The following RAB11FIP5 variants were observed in gnomAD, a reference collection of about 807,000 sequenced individuals.
RAB11FIP5 encodes the protein RAB11 family interacting protein 5, also known as rab11 family-interacting protein 5.
In RAB11FIP5, 48 loss-of-function variants were observed where a neutral mutation model predicts 85.1. The observed-to-expected ratio is 0.56, with a 90% CI of 0.45 to 0.72. RAB11FIP5 has a LOEUF of 0.72. Ranked by LOEUF, RAB11FIP5 falls within the 30% of genes least tolerant of loss-of-function variation. The pLI, the probability that RAB11FIP5 is intolerant of heterozygous loss-of-function variation, is 0.00. For missense variants in RAB11FIP5, 1,491 were observed against 1,687.0 expected (o/e 0.88, Z 2.04); for synonymous variants, 729 against 727.3 (o/e 1.00, Z -0.04).
chr2:73,109,669 C>T (rs563378145), intron 1 of RAB11FIP5, among the ~76,000 whole-genome samples: 2 of 152,322 alleles, frequency 1.3e-5, no homozygotes, highest in African/African-American at 4.8e-5. Context: ...GCCTCTCAAG[C>T]CCAGCCCTAT....
chr2:73,098,518 C>T (rs528032248), intron 1 of RAB11FIP5, among the ~76,000 whole-genome samples: 2 of 152,326 alleles, frequency 1.3e-5, no homozygotes, highest in South Asian at 2.1e-4. Context: ...CAGGTGTGAG[C>T]ACTGAGGTAA....
chr2:73,084,626 A>AG (rs1684059389), intron 3 of RAB11FIP5, among the ~76,000 whole-genome samples: 1 of 152,136 alleles, frequency 6.6e-6, no homozygotes, highest in South Asian at 2.1e-4. Context: ...CACAGGAACC[A>AG]CCTGTTCACC....
chr2:73,087,093 GTC>G (rs1422949687), intron 3 of RAB11FIP5, among the ~76,000 whole-genome samples: 1 of 152,182 alleles, frequency 6.6e-6, no homozygotes, highest in Non-Finnish European at 1.5e-5. Flanking sequence ...CTCTAAACCT[GTC>G]CAAGCAGCCA....
chr2:73,092,244 C>A (rs984414192), intron 1 of RAB11FIP5, among the ~76,000 whole-genome samples: 3 of 152,176 alleles, frequency 2.0e-5, no homozygotes, highest in African/African-American at 7.2e-5. Flanking sequence ...CCCCAAACCG[C>A]CCAAGCCCTG....
At chr2:73,093,045 C>T (rs934685501) in intron 1 of RAB11FIP5, among the ~76,000 whole-genome samples, 1 of 152,228 alleles carries the variant, frequency 6.6e-6, no homozygotes, top group African/African-American at 2.4e-5. Flanking sequence ...CCCCACAGAC[C>T]TGTCGGGCAC....
intron 1 of RAB11FIP5, among the ~76,000 whole-genome samples, chr2:73,097,699 T>C (rs1684348570): frequency 6.6e-6 from 1 of 152,198 alleles, no homozygotes; most frequent in South Asian, 2.1e-4. Flanking sequence ...ACAGGAGCCT[T>C]TGGAGGGCAG....
chr2:73,082,418 T>A (rs1170384633), intron 3 of RAB11FIP5, among the ~76,000 whole-genome samples: 1 of 152,232 alleles, frequency 6.6e-6, no homozygotes, highest in Admixed American at 6.5e-5. Flanking sequence ...TTATAGGACC[T>A]AGCAGGGCAC....
chr2:73,103,524 A>T (rs1684468434), intron 1 of RAB11FIP5, among the ~76,000 whole-genome samples: 1 of 152,030 alleles, frequency 6.6e-6, no homozygotes, highest in Non-Finnish European at 1.5e-5. Flanking sequence ...GGAGAAAAGC[A>T]TCAGGCTTAG....
intron 1 of RAB11FIP5, among the ~76,000 whole-genome samples, chr2:73,102,431 G>C (rs1199077663): frequency 6.6e-6 from 1 of 152,094 alleles, no homozygotes; most frequent in Non-Finnish European, 1.5e-5. Context: ...TTAATAAACT[G>C]GCACTCTGGT....
intron 1 of RAB11FIP5, among the ~76,000 whole-genome samples, chr2:73,094,395 C>T (rs1684279759): frequency 6.6e-6 from 1 of 152,244 alleles, no homozygotes; most frequent in Admixed American, 6.5e-5. Context: ...AAGGCCCCAA[C>T]ATTCATCTAG....
rs566940364 is a variant in RAB11FIP5 at position 73,078,325 on chromosome 2, G to A, written c.3581+1326C>T. Among the ~76,000 whole-genome samples the A allele has an allele frequency of 6.6e-6, 1 of 152,286 alleles. No homozygotes were observed. The highest frequency in any genetic ancestry group is 2.4e-5 in the African/African-American group (1 of 41,546). On this transcript the variant is annotated intron_variant, in intron 4 of 5. Coordinates refer to ENST00000486777, the MANE Select transcript of RAB11FIP5 (RefSeq NM_001371272.1). This position sits in a 1 kb window ranked among gnomAD's most constrained non-coding sequence, Gnocchi z 4.4. ...TGGCCCGTCCACTTCATAACAGAAGGAACAAGCCCAGTACAGACATGAAGC... is the reference window on the plus strand; with the variant it reads ...TGGCCCGTCCACTTCATAACAGAAGAAACAAGCCCAGTACAGACATGAAGC...
At chr2:73,084,777 C>T (rs1346898597) in intron 3 of RAB11FIP5, among the ~76,000 whole-genome samples, 1 of 152,230 alleles carries the variant, frequency 6.6e-6, no homozygotes, top group Non-Finnish European at 1.5e-5. Context: ...CCAGAGATGG[C>T]AAGTGAATCT....
intron 3 of RAB11FIP5, among the ~76,000 whole-genome samples, chr2:73,082,352 G>C (rs1023612663): frequency 1.3e-5 from 2 of 152,148 alleles, no homozygotes; most frequent in Non-Finnish European, 2.9e-5. Context: ...GGCATGGGGG[G>C]ATAAAGAGAC....
chr2:73,107,906 T>G (rs1684561947), intron 1 of RAB11FIP5, among the ~76,000 whole-genome samples: 1 of 152,166 alleles, frequency 6.6e-6, no homozygotes, highest in Non-Finnish European at 1.5e-5. Context: ...GAGAGAAGGC[T>G]GTGGGGTCAC....
intron 1 of RAB11FIP5, among the ~76,000 whole-genome samples, chr2:73,104,854 T>C (rs1484807731): frequency 6.6e-6 from 1 of 152,218 alleles, no homozygotes; most frequent in Non-Finnish European, 1.5e-5. Context: ...ATATGCTGCT[T>C]TGTAGAGGAA....
rs754300332 is a variant in RAB11FIP5, at chr2:73,088,321, G to C, written c.1297C>G (p.Pro433Ala). The C allele has an allele frequency of 3.1e-6, 5 of 1,613,598 alleles. No individual in the cohort carries two copies. The highest frequency in any genetic ancestry group is 2.7e-5 in the African/African-American group (2 of 74,918). ...EEGARLPEGK[P>A]VQVATPIVAS... is the part of the protein sequence containing the mutation. Reference sequence around the variant, plus strand: ...ACTATGGGTGTGGCAACCTGGACTGGCTTGCCCTCTGGTAGCCGGGCCCCC... The same window carrying C: ...ACTATGGGTGTGGCAACCTGGACTGCCTTGCCCTCTGGTAGCCGGGCCCCC... The change falls in exon 3 of 6, where the codon CCA (proline) becomes GCA (alanine). Residue 433 changes from proline to alanine, a missense_variant. Physicochemically the swap from Pro to Ala is conservative, Grantham distance 27 (BLOSUM62 -1). Coordinates refer to ENST00000486777, the MANE Select transcript of RAB11FIP5 (RefSeq NM_001371272.1).
intron 1 of RAB11FIP5, among the ~76,000 whole-genome samples, chr2:73,106,034 G>A (rs375688586): frequency 2.0e-5 from 3 of 152,090 alleles, no homozygotes; most frequent in Admixed American, 2.0e-4. Flanking sequence ...CCTCAGTGAT[G>A]GAGCCAGACC....
chr2:73,096,246 AG>A (rs1424135280), intron 1 of RAB11FIP5, among the ~76,000 whole-genome samples: 8 of 152,188 alleles, frequency 5.3e-5, no homozygotes, highest in Non-Finnish European at 8.8e-5. Context: ...TGGGGTCCCC[AG>A]GCCCTCATAA....
intron 1 of RAB11FIP5, among the ~76,000 whole-genome samples, chr2:73,103,838 T>C (rs1458664355): frequency 6.6e-6 from 1 of 152,080 alleles, no homozygotes; most frequent in Non-Finnish European, 1.5e-5. Flanking sequence ...CAAGATGACC[T>C]CTCTCAGGGG....
Sources: allele counts gnomAD v4.1 joint callset (sites outside exome capture counted in the v4.1 genomes callset), GRCh38; gene constraint gnomAD v4.1.1; non-coding constraint Gnocchi (gnomAD v3.1); transcripts MANE v1.5; gene names NCBI Gene and HGNC (gene_info 2026-07-23, HGNC 2026-07-21).